RMND1: variants seen among roughly 807,000 people sequenced by gnomAD.
The protein encoded by RMND1 is required for meiotic nuclear division protein 1 homolog.
RMND1 carries 41 observed loss-of-function variants against 54.0 expected under a neutral mutation model. That is an observed-to-expected ratio of 0.76 (90% CI 0.59 to 0.98). The LOEUF (loss-of-function observed/expected upper bound fraction) is 0.98. RMND1 is among the 50% of genes least tolerant of loss of function. The pLI, the probability that RMND1 is intolerant of heterozygous loss-of-function variation, is 0.00. For missense variants in RMND1, 457 were observed against 532.0 expected (o/e 0.86, Z 1.39); for synonymous variants, 183 against 181.7 (o/e 1.01, Z -0.06).
chr6:151,416,582 C>G (rs1440353132), intron 10 of RMND1: 1 of 152,170 alleles, frequency 6.6e-6, no homozygotes, highest in Non-Finnish European at 1.5e-5. Flanking sequence ...TGCCACCATG[C>G]CTGGCTAATT....
chr6:151,433,137 G>A lies in RMND1; in HGVS notation c.689+18C>T. 10 of 1,566,782 alleles carry A rather than the reference G, an allele frequency of 6.4e-6. No homozygotes were observed. The highest frequency in any genetic ancestry group is 8.8e-6 in the Non-Finnish European group (10 of 1,140,934). ...CCCAAACCCATCATCACCTAATGGG[G>A]TTTCTTTCCTGTCTTACCTGAAGAA... On this transcript the variant is annotated intron_variant, in intron 4 of 11. Coordinates refer to ENST00000444024, the MANE Select transcript of RMND1 (RefSeq NM_017909.4).
intron 3 of RMND1, 182 bp downstream of exon 3, chr6:151,436,264 C>A: frequency 1.6e-6 from 1 of 619,856 alleles, no homozygotes; most frequent in Non-Finnish European, 2.7e-6. Flanking sequence ...TTAATGAGTT[C>A]TCTGTAAATA....
chr6:151,409,625 T>TTC (rs1337597917), intron 10 of RMND1, among the ~76,000 whole-genome samples: 2 of 152,196 alleles, frequency 1.3e-5, no homozygotes, highest in Admixed American at 6.5e-5. Flanking sequence ...GGGGCTTACA[T>TTC]TCTAGTGGAA....
intron 6 of RMND1, among the ~76,000 whole-genome samples, chr6:151,424,160 T>A (rs952964569): frequency 6.7e-6 from 1 of 149,974 alleles, no homozygotes; most frequent in African/African-American, 2.4e-5. Flanking sequence ...TGAAAACTTT[T>A]AAAAAAATGG....
At position 151,404,773 on chromosome 6, in the gene RMND1, T is replaced by C. The variant is rs1238962757; in HGVS notation, c.*462A>G. 3 of 152,502 alleles carry C rather than the reference T, an allele frequency of 2.0e-5. No individual in the cohort carries two copies. Among genetic ancestry groups the C allele is most frequent in the Non-Finnish European group, 4.4e-5 (3 of 68,240 alleles). 9.4% of individuals were successfully genotyped at this position (152,502 alleles called of 1,614,324 possible). ...GTAGATACAAACACTAGATTCTTCA[T>C]AATTTTATTCACACGATATACTGGG... On this transcript the variant is annotated 3_prime_UTR_variant, in exon 12 of 12. Transcript: ENST00000444024.
chr6:151,428,186 G>A (rs1182101920), intron 5 of RMND1, among the ~76,000 whole-genome samples: 2 of 152,122 alleles, frequency 1.3e-5, no homozygotes, highest in African/African-American at 2.4e-5. Context: ...ACAGGTGTGG[G>A]AGGTGATCAT....
At chr6:151,426,455 T>C (rs1422332970) in intron 6 of RMND1, among the ~76,000 whole-genome samples, 4 of 152,178 alleles carry the variant, frequency 2.6e-5, no homozygotes, top group Non-Finnish European at 4.4e-5. Context: ...GTCCCACTTC[T>C]TCCAGCACCC....
At chr6:151,444,756 T>C (rs2114970275) in intron 2 of RMND1, 1 of 152,446 alleles carries the variant, frequency 6.6e-6, no homozygotes, top group South Asian at 2.1e-4. Context: ...GAAATGCAAA[T>C]TGTAGCAGAA....
chr6:151,429,022 C>T (rs1179279153), intron 5 of RMND1, among the ~76,000 whole-genome samples: 3 of 151,992 alleles, frequency 2.0e-5, no homozygotes, highest in South Asian at 2.1e-4. Flanking sequence ...GTTCCCTTCC[C>T]GACCACCTAC....
chr6:151,449,240 G>A (rs1781055470), intron 1 of RMND1, among the ~76,000 whole-genome samples: 1 of 151,710 alleles, frequency 6.6e-6, no homozygotes, highest in South Asian at 2.1e-4. Context: ...GTGGCGGCGG[G>A]TGCCTGTAAT....
At chr6:151,433,791 CCACT>C (rs1780512789) in intron 3 of RMND1, among the ~76,000 whole-genome samples, 1 of 152,104 alleles carries the variant, frequency 6.6e-6, no homozygotes, top group South Asian at 2.1e-4. Flanking sequence ...ACAGGGGCTA[CCACT>C]GCAGCCACCT....
intron 10 of RMND1, among the ~76,000 whole-genome samples, chr6:151,415,046 C>A: frequency 7.2e-6 from 1 of 138,828 alleles, no homozygotes; most frequent in South Asian, 2.2e-4. Flanking sequence ...AAATAAAGTT[C>A]TTGAAAAAAA....
rs374223733 is a variant in RMND1, at chr6:151,445,624, T to C, written c.188A>G (p.Asn63Ser). Reference sequence around the variant, plus strand: ...GTTCATTTCCAGGATCTGAGACTTATTCAAACCACTAGCTGTTTTATCAGG... The same window carrying C: ...GTTCATTTCCAGGATCTGAGACTTACTCAAACCACTAGCTGTTTTATCAGG... ...FLPDKTASGL[N>S]KSQILEMNQK... The change falls in exon 2 of 12, where the codon AAT (asparagine) becomes AGT (serine). Residue 63 changes from asparagine (N) to serine (S), a missense_variant. By Grantham distance (46) the Asn-to-Ser change is conservative. Coordinates refer to ENST00000444024, the MANE Select transcript of RMND1 (RefSeq NM_017909.4). 79 of 1,614,088 alleles carry C rather than the reference T, an allele frequency of 4.9e-5. No homozygotes were observed. The highest frequency in any genetic ancestry group is 5.9e-5 in the Non-Finnish European group (70 of 1,180,032).
intron 10 of RMND1, among the ~76,000 whole-genome samples, chr6:151,407,867 C>T (rs766286063): frequency 3.3e-5 from 5 of 151,742 alleles, no homozygotes; most frequent in Admixed American, 6.6e-5. Context: ...GCCAAGATCG[C>T]GCCACTGCAC....
chr6:151,427,137 G>C (rs1780321505), intron 6 of RMND1, among the ~76,000 whole-genome samples: 1 of 151,956 alleles, frequency 6.6e-6, no homozygotes, highest in Admixed American at 6.5e-5. Flanking sequence ...CCAGCACTTT[G>C]AGAGGCTGAG....
intron 4 of RMND1, among the ~76,000 whole-genome samples, chr6:151,432,343 T>C (rs764008330): frequency 1.3e-5 from 2 of 152,182 alleles, no homozygotes; most frequent in Non-Finnish European, 2.9e-5. Flanking sequence ...TTGAATTAAA[T>C]GTTGGAATCT....
intron 2 of RMND1, among the ~76,000 whole-genome samples, chr6:151,438,765 C>T (rs1361712261): frequency 2.0e-5 from 3 of 151,660 alleles, no homozygotes; most frequent in Admixed American, 2.0e-4. Flanking sequence ...TGGTACTGGC[C>T]AAGCCCATCT....
intron 4 of RMND1, among the ~76,000 whole-genome samples, chr6:151,431,572 T>G: frequency 6.6e-6 from 1 of 152,286 alleles, no homozygotes; most frequent in East Asian, 1.9e-4. Flanking sequence ...GTGAACTGCA[T>G]ATTCCTCCAA....
In RMND1 at chr6:151,405,761, G is replaced by A. The variant is rs1336888331; in HGVS notation, c.1276C>T (p.Leu426Phe). The change falls in exon 11 of 12, where the codon CTC becomes TTC. Residue 426 changes from leucine (L) to phenylalanine (F), a missense_variant. Leu to Phe is a conservative substitution (Grantham distance 22). Transcript: ENST00000444024. ...ATGACAATCATCCACTCCAAGCGGA[G>A]TGCCCTCTTCTCATTCAGGTGATTC... ...MRNHLNEKRALRLEWMIVILI... is the reference protein window; with the variant it reads ...MRNHLNEKRAFRLEWMIVILI... 3.7e-6 allele frequency: 6 copies of A among 1,609,028 alleles called. No individual in the cohort carries two copies. The highest frequency in any genetic ancestry group is 5.1e-6 in the Non-Finnish European group (6 of 1,175,478).
Sources: gnomAD v4.1 joint callset for allele counts (sites outside exome capture counted in the v4.1 genomes callset) on GRCh38, gnomAD v4.1.1 for gene constraint, MANE v1.5 for transcripts, NCBI Gene and HGNC (gene_info 2026-07-23, HGNC 2026-07-21) for gene names.